Variants in FAM163A observed in about 807,000 individuals in gnomAD.
The protein encoded by FAM163A is family with sequence similarity 163 member A.
FAM163A carries 7 observed loss-of-function variants against 12.0 expected under a neutral mutation model. That is an observed-to-expected ratio of 0.58 (90% CI 0.33 to 1.10). FAM163A has a LOEUF of 1.10. FAM163A is among the 50% of genes least tolerant of loss of function. The pLI is 0.03. For missense variants in FAM163A, 202 were observed against 218.6 expected (o/e 0.92, Z 0.48); for synonymous variants, 101 against 91.0 (o/e 1.11, Z -0.62).
chr1:179,812,492 G>C (rs537335666), intron 3 of FAM163A, among the ~76,000 whole-genome samples: 1 of 152,168 alleles, frequency 6.6e-6, no homozygotes, highest in Non-Finnish European at 1.5e-5. Flanking sequence ...TGGTGTTTTC[G>C]AGATGTGGCC....
At chr1:179,731,066 G>C in the FAM163A span, among the ~76,000 whole-genome samples, 1 of 152,178 alleles carries the variant, frequency 6.6e-6, no homozygotes, top group Non-Finnish European at 1.5e-5. Context: ...ATTTGCAAAA[G>C]AGAAAGTTAT....
At chr1:179,751,125 G>T (rs1245603577) in intron 1 of FAM163A, among the ~76,000 whole-genome samples, 2 of 152,268 alleles carry the variant, frequency 1.3e-5, no homozygotes, top group South Asian at 4.1e-4. Context: ...AGAACAGGTG[G>T]ATATACAGGC....
At chr1:179,800,334 G>C (rs968813340) in intron 1 of FAM163A, among the ~76,000 whole-genome samples, 1 of 152,214 alleles carries the variant, frequency 6.6e-6, no homozygotes, top group East Asian at 1.9e-4. Context: ...GAAGGGGTAC[G>C]CTCAGCCTTG....
At chr1:179,790,218 CTTTT>C (rs1168192716) in intron 1 of FAM163A, among the ~76,000 whole-genome samples, 11,730 of 91,194 alleles carry the variant, frequency 0.13, 678 homozygotes, top group African/African-American at 0.28. Flanking sequence ...AGCTGACTTC[CTTTT>C]TTTTTTTTTT....
intron 1 of FAM163A, among the ~76,000 whole-genome samples, chr1:179,744,929 C>G (rs1684252440): frequency 6.6e-6 from 1 of 152,192 alleles, no homozygotes; most frequent in Non-Finnish European, 1.5e-5. Context: ...GCCTAAGATT[C>G]GCTGGAGTCT....
intron 1 of FAM163A, among the ~76,000 whole-genome samples, chr1:179,769,757 A>AC (rs1234311559): frequency 6.6e-6 from 1 of 152,132 alleles, no homozygotes; most frequent in South Asian, 2.1e-4. Flanking sequence ...TCCATCCTGA[A>AC]CCTGGACCTA....
chr1:179,753,740 T>C (rs1350892281), intron 1 of FAM163A, among the ~76,000 whole-genome samples: 1 of 151,954 alleles, frequency 6.6e-6, no homozygotes, highest in Admixed American at 6.6e-5. Flanking sequence ...CGAGGCAGGA[T>C]GGAGGAAGAA....
intron 1 of FAM163A, among the ~76,000 whole-genome samples, chr1:179,791,833 C>T (rs1347693581): frequency 6.6e-6 from 1 of 152,184 alleles, no homozygotes; most frequent in Non-Finnish European, 1.5e-5. Flanking sequence ...CCACCAAAAG[C>T]TTAATCACTT....
At chr1:179,812,802 G>A (rs1694877758) in intron 3 of FAM163A, among the ~76,000 whole-genome samples, 1 of 152,224 alleles carries the variant, frequency 6.6e-6, no homozygotes, top group South Asian at 2.1e-4. Flanking sequence ...GCTAAGAAGG[G>A]TGTGACGGGA....
chr1:179,809,215 A>G (rs993182159), intron 2 of FAM163A, among the ~76,000 whole-genome samples: 1 of 152,082 alleles, frequency 6.6e-6, no homozygotes, highest in African/African-American at 2.4e-5. Context: ...TTATGATTTT[A>G]AGGCCAGACC....
chr1:179,737,929 G>T, the FAM163A span, among the ~76,000 whole-genome samples: 2 of 152,170 alleles, frequency 1.3e-5, no homozygotes, highest in Non-Finnish European at 2.9e-5. Context: ...TGATGGTTTC[G>T]CAGTATGTCC....
In FAM163A at chr1:179,812,955, C is replaced by G. The variant is rs562124970; in HGVS notation, c.-22-121C>G. The G allele has an allele frequency of 7.8e-6, 7 of 893,336 alleles. No individual in the cohort carries two copies. In the African/African-American group the frequency reaches 8.3e-5, roughly 11 times the overall value. 55.3% of individuals were successfully genotyped at this position (893,336 alleles called of 1,614,324 possible). A position where few individuals can be genotyped will look rare whatever the true frequency, so the allele number is the denominator to read the frequency against. Reference sequence around the variant, plus strand: ...AGGAAACCCCTGGGGCCTGGCCCTCCCGGCACCTGCTGCTCTCAGGCCCCC... The same window carrying G: ...AGGAAACCCCTGGGGCCTGGCCCTCGCGGCACCTGCTGCTCTCAGGCCCCC... On this transcript the variant is annotated intron_variant, in intron 3 of 4. Transcript: ENST00000341785.
intron 1 of FAM163A, among the ~76,000 whole-genome samples, chr1:179,804,891 A>G (rs1392776254): frequency 6.6e-6 from 1 of 152,218 alleles, no homozygotes; most frequent in Admixed American, 6.5e-5. Context: ...TAATCTGCAC[A>G]ACAAACCCCC....
At chr1:179,802,183 C>T (rs1693275943) in intron 1 of FAM163A, among the ~76,000 whole-genome samples, 1 of 152,244 alleles carries the variant, frequency 6.6e-6, no homozygotes, top group African/African-American at 2.4e-5. Context: ...TTCTCACTCT[C>T]ACTTTCATTT....
chr1:179,765,346 A>T (rs1401707383), intron 1 of FAM163A, among the ~76,000 whole-genome samples: 1 of 152,162 alleles, frequency 6.6e-6, no homozygotes, highest in Non-Finnish European at 1.5e-5. Context: ...GGGGCCCACA[A>T]TTTTGCATTT....
intron 1 of FAM163A, among the ~76,000 whole-genome samples, chr1:179,781,375 T>C (rs10913886): frequency 0.58 from 87,372 of 151,794 alleles, 25,596 homozygotes; most frequent in East Asian, 0.89. Context: ...CACTTCTCTC[T>C]GATCTCCCCT....
rs1317646531 is a variant in FAM163A at position 179,814,398 on chromosome 1, G to A, written c.*209G>A. On this transcript the variant is annotated 3_prime_UTR_variant, in exon 5 of 5. Coordinates refer to ENST00000341785, the MANE Select transcript of FAM163A (RefSeq NM_173509.3). The stretch of plus-strand genomic sequence containing the variant: ...GGCTCCAACTCTGTGGGCCAGAGGT[G>A]GGGGACTGCTAGGTCGAGTCTGCAG... The A allele has an allele frequency of 1.4e-5, 9 of 650,860 alleles. No homozygotes were observed. The East Asian group carries it at 1.5e-4, about 11-fold the overall frequency. 40.3% of individuals were successfully genotyped at this position (650,860 alleles called of 1,614,324 possible). A position where few individuals can be genotyped will look rare whatever the true frequency, so the allele number is the denominator to read the frequency against.
At chr1:179,769,900 CT>C (rs1196869449) in intron 1 of FAM163A, among the ~76,000 whole-genome samples, 976 of 97,154 alleles carry the variant, frequency 0.01, 1 homozygote, top group African/African-American at 0.026. Context: ...ATCCCTAATT[CT>C]TTTTTTTTTT....
intron 1 of FAM163A, among the ~76,000 whole-genome samples, chr1:179,766,902 C>T (rs1439685690): frequency 6.6e-6 from 1 of 152,118 alleles, no homozygotes; most frequent in Non-Finnish European, 1.5e-5. Context: ...ATTACAGGCA[C>T]ATGCCACCAC....
Sources: allele counts gnomAD v4.1 joint callset (sites outside exome capture counted in the v4.1 genomes callset), GRCh38; gene constraint gnomAD v4.1.1; transcripts MANE v1.5; gene names NCBI Gene and HGNC (gene_info 2026-07-23, HGNC 2026-07-21).